The following SGK3 variants were observed in gnomAD, a reference collection of about 807,000 sequenced individuals.
SGK3 encodes the protein serine/threonine-protein kinase Sgk3.
Under a neutral mutation model 68.5 loss-of-function variants are expected in SGK3, and 47 were observed. That is an observed-to-expected ratio of 0.69 (90% CI 0.54 to 0.87). The LOEUF (loss-of-function observed/expected upper bound fraction) is 0.87. Ranked by LOEUF, SGK3 falls within the 40% of genes least tolerant of loss-of-function variation. The probability of loss-of-function intolerance (pLI) is 0.00; values close to 1 mark genes in which losing one functional copy is unlikely to be tolerated. For synonymous variants in SGK3, 181 were observed against 189.1 expected (o/e 0.96, Z 0.35); for missense variants, 479 against 575.5 (o/e 0.83, Z 1.72).
chr8:66,771,617 C>T (rs1322881999), intron 1 of SGK3, among the ~76,000 whole-genome samples: 1 of 152,128 alleles, frequency 6.6e-6, no homozygotes, highest in African/African-American at 2.4e-5. Context: ...CTGTGTGATT[C>T]TTTTTCACTT....
intron 1 of SGK3, among the ~76,000 whole-genome samples, chr8:66,722,607 A>G (rs1804827227): frequency 6.6e-6 from 1 of 152,204 alleles, no homozygotes; most frequent in Non-Finnish European, 1.5e-5. Flanking sequence ...TCCCAACAAC[A>G]TGGTGCTAAA....
At chr8:66,800,703 C>G (rs1242229197) in intron 3 of SGK3, among the ~76,000 whole-genome samples, 1 of 151,934 alleles carries the variant, frequency 6.6e-6, no homozygotes, top group Non-Finnish European at 1.5e-5. Flanking sequence ...TGTATTTGTT[C>G]CTAATATTCA....
intron 1 of SGK3, among the ~76,000 whole-genome samples, chr8:66,785,989 C>T (rs1205841010): frequency 6.6e-6 from 1 of 152,188 alleles, no homozygotes; most frequent in Non-Finnish European, 1.5e-5. Context: ...CAAAAAGTCC[C>T]AGTTTTAATC....
intron 1 of SGK3, among the ~76,000 whole-genome samples, chr8:66,729,288 C>T (rs1470444187): frequency 7.0e-6 from 1 of 142,906 alleles, no homozygotes; most frequent in Non-Finnish European, 1.5e-5. Context: ...AACCCTGTCT[C>T]TACTAAAAAT....
chr8:66,854,640 G>A (rs1328297292), intron 16 of SGK3, among the ~76,000 whole-genome samples: 1 of 152,170 alleles, frequency 6.6e-6, no homozygotes, highest in Non-Finnish European at 1.5e-5. Context: ...GGGATTGGGT[G>A]TGGTAGGAAG....
At chr8:66,784,498 A>G (rs1367305122) in intron 1 of SGK3, among the ~76,000 whole-genome samples, 2 of 152,306 alleles carry the variant, frequency 1.3e-5, no homozygotes, top group Admixed American at 6.5e-5. Flanking sequence ...GTCAATATCA[A>G]ACAATCTTTA....
intron 1 of SGK3, among the ~76,000 whole-genome samples, chr8:66,731,770 G>A (rs1399497447): frequency 2.0e-5 from 3 of 152,122 alleles, no homozygotes; most frequent in African/African-American, 7.2e-5. Context: ...TCCTGACCTC[G>A]TGATCCGCCT....
intron 1 of SGK3, among the ~76,000 whole-genome samples, chr8:66,750,152 A>C (rs1805771501): frequency 6.6e-6 from 1 of 152,146 alleles, no homozygotes; most frequent in Non-Finnish European, 1.5e-5. Flanking sequence ...AATTCAAGGA[A>C]GAGATGAGTC....
intron 1 of SGK3, among the ~76,000 whole-genome samples, chr8:66,723,116 TATATATATATATATA>T (rs1319757158): frequency 1.0e-3 from 53 of 52,312 alleles, no homozygotes; most frequent in East Asian, 6.5e-3. Context: ...TATATATATA[TATATATATATATATA>T]TTTTTTTTTT....
intron 2 of SGK3, among the ~76,000 whole-genome samples, chr8:66,796,894 G>T (rs957064672): frequency 2.0e-4 from 29 of 148,438 alleles, no homozygotes; most frequent in African/African-American, 6.7e-4. Flanking sequence ...ATTAAGTATT[G>T]TACTGTTTCC....
chr8:66,780,509 G>A (rs999306714), intron 1 of SGK3, among the ~76,000 whole-genome samples: 1 of 152,184 alleles, frequency 6.6e-6, no homozygotes, highest in Admixed American at 6.5e-5. Context: ...CATGAAGTTT[G>A]TTGGAAGAAG....
At position 66,859,572 on chromosome 8, in the gene SGK3, AT is replaced by A; in HGVS notation, c.1487del (p.Leu496CysfsTer16). ...FSYAPPSEDL[F>X]L ...CTTATGCACCTCCTTCAGAAGACTT[AT>A]TTTTGTGAGCAGTTTGCCATTCAGA... On this transcript the variant is annotated frameshift_variant, in exon 17 of 17. Coordinates refer to ENST00000521198, the MANE Select transcript of SGK3 (RefSeq NM_001033578.3). LOFTEE classifies it high-confidence loss of function. The A allele has an allele frequency of 6.2e-7, 1 of 1,608,566 alleles. No individual in the cohort carries two copies. Among genetic ancestry groups the A allele is most frequent in the Non-Finnish European group, 8.5e-7 (1 of 1,176,412 alleles).
In SGK3 at chr8:66,835,409, G is replaced by A. The variant is rs544286861; in HGVS notation, c.526-354G>A. Among the ~76,000 whole-genome samples the A allele has an allele frequency of 3.9e-5, 6 of 152,164 alleles. No individual in the cohort carries two copies. In the South Asian group the frequency reaches 1.2e-3, roughly 32 times the overall value. On this transcript the variant is annotated intron_variant, in intron 8 of 16. Transcript: ENST00000521198. ...ACCTAAAAAACATTTCCTTATCCTT[G>A]TTAATGTAGCCATGAAGTTTATAAC...
chr8:66,725,553 G>A (rs1265463197), intron 1 of SGK3, among the ~76,000 whole-genome samples: 2 of 151,718 alleles, frequency 1.3e-5, no homozygotes, highest in Admixed American at 6.6e-5. Context: ...ATCATGTCCC[G>A]GAGTTTCCTG....
chr8:66,744,554 T>G (rs1805593648), intron 1 of SGK3, among the ~76,000 whole-genome samples: 1 of 120,544 alleles, frequency 8.3e-6, no homozygotes, highest in Non-Finnish European at 1.7e-5. Context: ...TTAGATGGAG[T>G]CTCACTCTGT....
rs2130531427 is a variant in SGK3, at chr8:66,782,356, G to A, written c.-121-11260G>A. On this transcript the variant is annotated intron_variant, in intron 1 of 16. Transcript: ENST00000521198. ...TTTTTTTAGACTTTTTTTTTTCATA[G>A]CTAAATTAGGAAAGTACAGAGTTCC... 2.0e-5 allele frequency among the ~76,000 whole-genome samples: 3 copies of A among 148,290 alleles called. No individual in the cohort carries two copies. The South Asian group carries it at 6.4e-4, about 31-fold the overall frequency.
At chr8:66,789,666 CTTGGGAGGA>C (rs1807355998) in intron 1 of SGK3, among the ~76,000 whole-genome samples, 1 of 152,122 alleles carries the variant, frequency 6.6e-6, no homozygotes, top group South Asian at 2.1e-4. Context: ...TCCAGTAACG[CTTGGGAGGA>C]TTATATATTC....
At chr8:66,827,707 T>C (rs1452892955) in intron 6 of SGK3, among the ~76,000 whole-genome samples, 1 of 152,162 alleles carries the variant, frequency 6.6e-6, no homozygotes, top group African/African-American at 2.4e-5. Context: ...CTTAAATTTC[T>C]TCATAGCATA....
intron 1 of SGK3, among the ~76,000 whole-genome samples, chr8:66,728,824 G>A (rs555236204): frequency 2.1e-4 from 32 of 152,162 alleles, no homozygotes; most frequent in Middle Eastern, 3.4e-3. Context: ...GGAGGCTGAA[G>A]TGGGAGGATT....
Sources: allele counts gnomAD v4.1 joint callset (sites outside exome capture counted in the v4.1 genomes callset), GRCh38; gene constraint gnomAD v4.1.1; transcripts MANE v1.5; gene names NCBI Gene and HGNC (gene_info 2026-07-23, HGNC 2026-07-21).